ZNF728: variants seen among roughly 807,000 people sequenced by gnomAD.
ZNF728 encodes the protein zinc finger protein 728.
In ZNF728, 12 loss-of-function variants were observed where a neutral mutation model predicts 12.5. That is an observed-to-expected ratio of 0.96 (90% CI 0.61 to 1.55). ZNF728 has a LOEUF of 1.55. Among genes scored for constraint, ZNF728 ranks in the 40% most tolerant of loss-of-function variants. The probability of loss-of-function intolerance (pLI) is 0.00; values close to 1 mark genes in which losing one functional copy is unlikely to be tolerated. For synonymous variants in ZNF728, 205 were observed against 240.7 expected, an observed-to-expected ratio of 0.85 and a Z score of 1.37; for missense variants, 692 against 719.2, an observed-to-expected ratio of 0.96 and a Z score of 0.43.
intron 3 of ZNF728, among the ~76,000 whole-genome samples, chr19:22,984,874 G>T (rs1183553328): frequency 6.6e-6 from 1 of 151,930 alleles, no homozygotes; most frequent in East Asian, 1.9e-4. Context: ...AGGCATTAAA[G>T]TTCCTGATTT....
At chr19:22,997,305 C>T (rs1232128933) in intron 1 of ZNF728, among the ~76,000 whole-genome samples, 2 of 152,250 alleles carry the variant, frequency 1.3e-5, no homozygotes, top group African/African-American at 4.8e-5. Context: ...ACAAACCACA[C>T]ACACGGGCTA....
chr19:22,990,731 A>G (rs749668236), intron 1 of ZNF728, among the ~76,000 whole-genome samples: 4 of 152,200 alleles, frequency 2.6e-5, no homozygotes, highest in Non-Finnish European at 5.9e-5. Flanking sequence ...CCACTTAATT[A>G]AAACAACATG....
rs773524432 is a variant in ZNF728, at chr19:22,975,996, A to C, written c.1341T>G (p.Thr447=). The C allele has an allele frequency of 2.5e-6, 4 of 1,612,298 alleles. No homozygotes were observed. Among genetic ancestry groups the C allele is most frequent in the Non-Finnish European group, 3.4e-6 (4 of 1,179,596 alleles). Residue 447 remains threonine, a synonymous_variant, in exon 4 of 4, where the codon ACT becomes ACG. Coordinates refer to ENST00000594710, the MANE Select transcript of ZNF728 (RefSeq NM_001267716.2). Reference sequence around the variant, plus strand: ...CTTCACATTTGTAGTGTTTCTCTCCAGTATGAATTACTTTATGTTTAGTAA... The same window carrying C: ...CTTCACATTTGTAGTGTTTCTCTCCCGTATGAATTACTTTATGTTTAGTAA... ...SSLTKHKVIH[T]GEKHYKCEEC...
chr19:23,002,044 G>C (rs919591751), intron 1 of ZNF728, among the ~76,000 whole-genome samples: 2 of 152,178 alleles, frequency 1.3e-5, no homozygotes, highest in African/African-American at 2.4e-5. Context: ...GGCCAGGCGC[G>C]GTGGCTTACA....
chr19:22,982,292 G>C (rs932312725), intron 3 of ZNF728, among the ~76,000 whole-genome samples: 2 of 152,064 alleles, frequency 1.3e-5, no homozygotes, highest in African/African-American at 4.8e-5. Context: ...AAAATACCTA[G>C]GAATACAACT....
intron 3 of ZNF728, among the ~76,000 whole-genome samples, chr19:22,982,046 A>T (rs1050768246): frequency 7.2e-5 from 11 of 152,182 alleles, no homozygotes; most frequent in Non-Finnish European, 1.5e-4. Context: ...CAGGCAAGAA[A>T]AAGAAATAAA....
chr19:22,992,170 A>G (rs1263685096), intron 1 of ZNF728, among the ~76,000 whole-genome samples: 3 of 152,172 alleles, frequency 2.0e-5, no homozygotes, highest in African/African-American at 7.2e-5. Context: ...TAATTCAACC[A>G]TATTTCCAGT....
Position 22,992,328 on chromosome 19 carries a change from C to T in ZNF728, c.4-3877G>A, listed in dbSNP as rs574082494. Reference sequence around the variant, plus strand: ...TGTGATCTCGGCTCACTGCAGCCTCCGCTTCCCAGGTTCAAGCGATTCTCC... The same window carrying T: ...TGTGATCTCGGCTCACTGCAGCCTCTGCTTCCCAGGTTCAAGCGATTCTCC... On this transcript the variant is annotated intron_variant, in intron 1 of 3. Coordinates refer to ENST00000594710, the MANE Select transcript of ZNF728 (RefSeq NM_001267716.2). 6.0e-5 allele frequency among the ~76,000 whole-genome samples: 9 copies of T among 150,920 alleles called. No individual in the cohort carries two copies. The South Asian group carries it at 1.3e-3, about 21-fold the overall frequency.
chr19:22,998,157 T>C (rs567285755), intron 1 of ZNF728, among the ~76,000 whole-genome samples: 20 of 151,916 alleles, frequency 1.3e-4, no homozygotes, highest in East Asian at 5.8e-4. Flanking sequence ...ATCACATTCA[T>C]TGCAGCACTA....
intron 3 of ZNF728, among the ~76,000 whole-genome samples, chr19:22,984,104 C>T (rs757395638): frequency 2.6e-5 from 4 of 152,038 alleles, no homozygotes; most frequent in South Asian, 2.1e-4. Context: ...TCCTCAACAT[C>T]GGGATATACA....
rs1315108332 is a variant in ZNF728, at chr19:22,975,137, G to T, written c.*331C>A. Among the ~76,000 whole-genome samples, 2 of 152,106 alleles carry T rather than the reference G, an allele frequency of 1.3e-5. No homozygotes were observed. The highest frequency in any genetic ancestry group is 2.9e-5 in the Non-Finnish European group (2 of 68,016). The stretch of plus-strand genomic sequence containing the variant: ...GCCAAAAGCCTTGTCACATCTTTCA[G>T]GTTTGCAGTTTCTCTCTAGTATGAA... On this transcript the variant is annotated 3_prime_UTR_variant, in exon 4 of 4. Transcript: ENST00000594710.
intron 1 of ZNF728, among the ~76,000 whole-genome samples, chr19:22,992,974 G>A (rs1969006825): frequency 6.6e-6 from 1 of 152,154 alleles, no homozygotes; most frequent in Admixed American, 6.5e-5. Context: ...ATCCTGATTT[G>A]CTAGCTGTCC....
In ZNF728 at chr19:22,976,666, C is replaced by G; in HGVS notation, c.671G>C (p.Gly224Ala). 1 of 1,613,088 alleles carries G rather than the reference C, an allele frequency of 6.2e-7. No homozygotes were observed. The highest frequency in any genetic ancestry group is 8.5e-7 in the Non-Finnish European group (1 of 1,179,800). ...SALTYKRIHTGEKPCKCEECG... is the reference protein window; with the variant it reads ...SALTYKRIHTAEKPCKCEECG... ...TTCTTCACATTTGCAGGGTTTCTCT[C>G]CAGTATGAATTCTCTTATAAGTAAG... Residue 224 changes from glycine to alanine, a missense_variant, in exon 4 of 4, where the codon GGA (glycine) becomes GCA (alanine). Coordinates refer to ENST00000594710, the MANE Select transcript of ZNF728 (RefSeq NM_001267716.2).
At chr19:22,984,613 C>CAT (rs1968896259) in intron 3 of ZNF728, among the ~76,000 whole-genome samples, 1 of 140,674 alleles carries the variant, frequency 7.1e-6, no homozygotes, top group African/African-American at 2.8e-5. Flanking sequence ...CACACACACA[C>CAT]ACATATACAC....
chr19:22,984,515 T>C (rs1599528845), intron 3 of ZNF728, among the ~76,000 whole-genome samples: 3 of 144,812 alleles, frequency 2.1e-5, no homozygotes, highest in Admixed American at 7.3e-5. Flanking sequence ...GCCAAGATTG[T>C]GCCGCTACAC....
chr19:22,999,077 T>C (rs528463872), intron 1 of ZNF728, among the ~76,000 whole-genome samples: 18 of 152,334 alleles, frequency 1.2e-4, no homozygotes, highest in East Asian at 7.7e-4. Context: ...ACACAGACTT[T>C]AGGGTAAAAC....
At chr19:22,986,225 T>A (rs1459915506) in intron 3 of ZNF728, among the ~76,000 whole-genome samples, 2 of 152,196 alleles carry the variant, frequency 1.3e-5, no homozygotes, top group South Asian at 4.1e-4. Flanking sequence ...AAGTATATTG[T>A]GCCCATTGTC....
chr19:22,979,577 G>A (rs924966940), intron 3 of ZNF728, among the ~76,000 whole-genome samples: 65 of 152,086 alleles, frequency 4.3e-4, no homozygotes, highest in African/African-American at 1.6e-3. Context: ...ATTCACCAAG[G>A]TTGAAATGAA....
intron 1 of ZNF728, among the ~76,000 whole-genome samples, chr19:22,999,549 C>T (rs1334986701): frequency 2.6e-5 from 4 of 152,084 alleles, no homozygotes; most frequent in Admixed American, 6.6e-5. Flanking sequence ...AATTAACCTT[C>T]GCTCGCAGTC....
Sources: gnomAD v4.1 joint callset for allele counts (sites outside exome capture counted in the v4.1 genomes callset) on GRCh38, gnomAD v4.1.1 for gene constraint, MANE v1.5 for transcripts, NCBI Gene and HGNC (gene_info 2026-07-23, HGNC 2026-07-21) for gene names.